Variants in POLD1 observed in about 807,000 individuals in gnomAD.
POLD1 encodes the protein DNA polymerase delta 1, catalytic subunit.
In POLD1, 79 loss-of-function variants were observed where a neutral mutation model predicts 129.7. The observed-to-expected ratio is 0.61, with a 90% CI of 0.51 to 0.73. The LOEUF is 0.73. Ranked by LOEUF, POLD1 falls within the 30% of genes least tolerant of loss-of-function variation. POLD1 has a pLI of 0.00. For synonymous variants in POLD1, 714 were observed against 683.3 expected (o/e 1.04, Z -0.70); for missense variants, 1,338 against 1,595.8 (o/e 0.84, Z 2.75).
intron 10 of POLD1, among the ~76,000 whole-genome samples, chr19:50,403,815 G>C (rs2038762389): frequency 6.6e-6 from 1 of 152,234 alleles, no homozygotes; most frequent in African/African-American, 2.4e-5. Context: ...CGTTACGGTG[G>C]AGTAAGAGAA....
chr19:50,397,966 G>A (rs934990413), intron 1 of POLD1, among the ~76,000 whole-genome samples: 3 of 152,134 alleles, frequency 2.0e-5, no homozygotes, highest in African/African-American at 7.2e-5. Context: ...TAGGCACTAC[G>A]TGCTAACATG....
intron 14 of POLD1, 80 bp from the exon 15 acceptor site, chr19:50,408,705 A>G (rs868014417): frequency 6.5e-7 from 1 of 1,549,112 alleles, no homozygotes; most frequent in Non-Finnish European, 8.7e-7. Flanking sequence ...TTTTTTTTAA[A>G]GGGTGAGGCC....
At chr19:50,413,077 C>T (rs914528210) in intron 17 of POLD1, among the ~76,000 whole-genome samples, 2 of 152,042 alleles carry the variant, frequency 1.3e-5, no homozygotes, top group Non-Finnish European at 2.9e-5. Flanking sequence ...CTGGCTATGT[C>T]GGTGGTCCTG....
chr19:50,411,623 G>A (rs368518762), intron 17 of POLD1, among the ~76,000 whole-genome samples: 2 of 152,258 alleles, frequency 1.3e-5, no homozygotes, highest in South Asian at 2.1e-4. Context: ...GGCGGATCAC[G>A]AGGTCAGGAG....
In POLD1 at chr19:50,416,426, C is replaced by G; in HGVS notation, c.2851C>G (p.Pro951Ala). The G allele has an allele frequency of 1.3e-6, 2 of 1,549,798 alleles. No homozygotes were observed. The highest frequency in any genetic ancestry group is 8.7e-7 in the Non-Finnish European group (1 of 1,147,358). The change falls in exon 23 of 27, where the codon CCC becomes GCC. Residue 951 changes from proline to alanine, a missense_variant. Physicochemically the swap from Pro to Ala is conservative, Grantham distance 27 (BLOSUM62 -1). This residue lies in a region of POLD1 where 286 missense variants were observed against 277.5 expected (regional missense o/e 1.03). Coordinates refer to ENST00000440232, the MANE Select transcript of POLD1 (RefSeq NM_002691.4). ...DPLFVLEHSL[P>A]IDTQYYLEQQ... ...GCTGTTCGTGCTGGAGCACAGCCTG[C>G]CCATTGACACGCAGTACTACCTGGA...
chr19:50,386,605 G>T (rs1375837184), intron 1 of POLD1, among the ~76,000 whole-genome samples: 1 of 152,244 alleles, frequency 6.6e-6, no homozygotes, highest in Non-Finnish European at 1.5e-5. Flanking sequence ...ACCCTGAAGG[G>T]CAGCTGGTCA....
At position 50,409,115 on chromosome 19, in the gene POLD1, A is replaced by G. The variant is rs200049500; in HGVS notation, c.1893-7A>G. 44 of 1,601,628 alleles carry G rather than the reference A, an allele frequency of 2.7e-5. No individual in the cohort carries two copies. The East Asian group carries it at 8.9e-4, about 32-fold the overall frequency. On this transcript the variant is annotated splice_region_variant and splice_polypyrimidine_tract_variant and intron_variant, in intron 15 of 26. Coordinates refer to ENST00000440232, the MANE Select transcript of POLD1 (RefSeq NM_002691.4). This position sits in a 1 kb window ranked among gnomAD's most constrained non-coding sequence, Gnocchi z 5.8. ...GCCGGCAGTCACCCCAACATCTTCC[A>G]ACCCAGCCTGACTGAGGATCAGTTC...
chr19:50,388,720 C>T (rs1307402795), intron 1 of POLD1, among the ~76,000 whole-genome samples: 1 of 151,920 alleles, frequency 6.6e-6, no homozygotes, highest in East Asian at 1.9e-4. Context: ...TATGCTTTAT[C>T]CAAGCACATG....
At position 50,402,110 on chromosome 19, in the gene POLD1, T is replaced by C. The variant is rs772804822; in HGVS notation, c.575T>C (p.Leu192Pro). 1 of 1,612,772 alleles carries C rather than the reference T, an allele frequency of 6.2e-7. No homozygotes were observed. The highest frequency in any genetic ancestry group is 1.1e-5 in the South Asian group (1 of 90,916). ...GGGCCGGCCGTGCTGGCTGTGGAAC[T>C]GTGCTCCCGAGAGAGTGAGTGCTCC... ...LTGPAVLAVE[L>P]CSRESMFGYH... is the part of the protein sequence containing the mutation. Residue 192 changes from leucine to proline, a missense_variant, in exon 5 of 27, where the codon CTG becomes CCG. Leu to Pro is a moderately conservative substitution (Grantham distance 98, BLOSUM62 -3). Coordinates refer to ENST00000440232, the MANE Select transcript of POLD1 (RefSeq NM_002691.4).
At position 50,403,485 on chromosome 19, in the gene POLD1, A is replaced by G. The variant is rs41544624; in HGVS notation, c.1138-8A>G. On this transcript the variant is annotated splice_region_variant and splice_polypyrimidine_tract_variant and intron_variant, in intron 9 of 26. Transcript: ENST00000440232. Reference sequence around the variant, plus strand: ...CACCAGGGTGACCCAATGTGCTCCCACCCCCAGGCCTGGTCCACCTTCATC... The same window carrying G: ...CACCAGGGTGACCCAATGTGCTCCCGCCCCCAGGCCTGGTCCACCTTCATC... The G allele has an allele frequency of 5.7e-4, 922 of 1,605,808 alleles. 1 individual carries two copies. Among genetic ancestry groups the G allele is most frequent in the Admixed American group, 1.7e-3 (103 of 59,924 alleles).
chr19:50,405,084 G>T (rs912769390), intron 10 of POLD1, among the ~76,000 whole-genome samples: 2 of 151,064 alleles, frequency 1.3e-5, no homozygotes, highest in East Asian at 2.0e-4. Flanking sequence ...TTTTGTTTTT[G>T]TTTTTTTTAG....
In POLD1 at chr19:50,413,649, T is replaced by G. The variant is rs2039169920; in HGVS notation, c.2251-93T>G. ...CCCACTCTCCTGTTGCATCCTTGGG[T>G]CCCGTTGGCATTAGCCACCTGCCAC... On this transcript the variant is annotated intron_variant, in intron 18 of 26. Transcript: ENST00000440232. 6 of 1,541,486 alleles carry G rather than the reference T, an allele frequency of 3.9e-6. No individual in the cohort carries two copies. The Admixed American group carries it at 1.1e-4, about 27-fold the overall frequency.
intron 1 of POLD1, among the ~76,000 whole-genome samples, chr19:50,384,595 C>T (rs970632127): frequency 8.1e-6 from 1 of 123,188 alleles, no homozygotes; most frequent in Admixed American, 8.8e-5. Context: ...AATTCCTCGG[C>T]GGGCAGGGGG....
intron 10 of POLD1, among the ~76,000 whole-genome samples, chr19:50,405,503 A>G (rs1406877693): frequency 6.6e-6 from 1 of 152,168 alleles, no homozygotes; most frequent in Non-Finnish European, 1.5e-5. Context: ...ATGAGGCGAG[A>G]GGATCGATGG....
chr19:50,415,808 C>T lies in POLD1; in HGVS notation c.2802C>T (p.Ala934=), dbSNP rs762628311. The T allele has an allele frequency of 4.9e-5, 76 of 1,541,136 alleles. No homozygotes were observed. The highest frequency in any genetic ancestry group is 6.2e-5 in the Non-Finnish European group (71 of 1,144,432). The change falls in exon 22 of 27, where the codon GCC becomes GCT. Residue 934 remains alanine (A), a synonymous_variant. Coordinates refer to ENST00000440232, the MANE Select transcript of POLD1 (RefSeq NM_002691.4). The part of the protein sequence containing the change: ...YVIISAAKGV[A]AYMKSEDPLF... ...TCATCAGTGCCGCCAAGGGTGTGGC[C>T]GCCTACATGAAGTCGGAGGTCAGGC...
Position 50,406,660 on chromosome 19 carries a change from A to T in POLD1, c.1494+143A>T. Reference sequence around the variant, plus strand: ...TGACCTGTGACCTTACCTGACGCCCACTTTTTCCTGACCTCTGACCCCAGA... The same window carrying T: ...TGACCTGTGACCTTACCTGACGCCCTCTTTTTCCTGACCTCTGACCCCAGA... On this transcript the variant is annotated intron_variant, in intron 12 of 26. Coordinates refer to ENST00000440232, the MANE Select transcript of POLD1 (RefSeq NM_002691.4). This position sits in a 1 kb window ranked among gnomAD's most constrained non-coding sequence, Gnocchi z 5.5. 1.5e-6 allele frequency: 1 copy of T among 676,054 alleles called. No homozygotes were observed. The highest frequency in any genetic ancestry group is 2.6e-6 in the Non-Finnish European group (1 of 383,626). The allele number at this position is 676,054 out of a possible 1,614,324, so 41.9% of individuals were successfully genotyped here. A position where few individuals can be genotyped will look rare whatever the true frequency, so the allele number is the denominator to read the frequency against.
At position 50,398,953 on chromosome 19, in the gene POLD1, C is replaced by G. The variant is rs754716741; in HGVS notation, c.102C>G (p.Phe34Leu). The G allele has an allele frequency of 5.7e-6, 9 of 1,585,960 alleles. No individual in the cohort carries two copies. Among genetic ancestry groups the G allele is most frequent in the Non-Finnish European group, 7.7e-6 (9 of 1,166,902 alleles). Residue 34 changes from phenylalanine to leucine, a missense_variant, in exon 2 of 27, where the codon TTC becomes TTG. Physicochemically the swap from Phe to Leu is conservative, Grantham distance 22. Transcript: ENST00000440232. Reference sequence around the variant, plus strand: ...ATGATGCACCTCGGCCATCCCAATTCGAGGAGGACCTGGCACTGATGGAGG... The same window carrying G: ...ATGATGCACCTCGGCCATCCCAATTGGAGGAGGACCTGGCACTGATGGAGG... ...DDDDAPRPSQ[F>L]EEDLALMEEM...
chr19:50,385,526 CTTTTTTTT>C (rs760846797), intron 1 of POLD1, among the ~76,000 whole-genome samples: 1 of 128,920 alleles, frequency 7.8e-6, no homozygotes, highest in Non-Finnish European at 1.6e-5. Flanking sequence ...ACTGTCTTCT[CTTTTTTTT>C]TTTTTTTTTT....
In POLD1 at chr19:50,406,977, C is replaced by T; in HGVS notation, c.1495-6C>T. 6.9e-7 allele frequency: 1 copy of T among 1,452,452 alleles called. No individual in the cohort carries two copies. The highest frequency in any genetic ancestry group is 9.3e-7 in the Non-Finnish European group (1 of 1,074,302). The allele number at this position is 1,452,452 out of a possible 1,614,324, so 90.0% of individuals were successfully genotyped here. A position where few individuals can be genotyped will look rare whatever the true frequency, so the allele number is the denominator to read the frequency against. ...GGTCCCTGACCCCATCCGTGCCCAT[C>T]CCCAGAATGGGAACGACCAGACCCG... On this transcript the variant is annotated splice_region_variant and splice_polypyrimidine_tract_variant and intron_variant, in intron 12 of 26. Coordinates refer to ENST00000440232, the MANE Select transcript of POLD1 (RefSeq NM_002691.4). The surrounding 1 kb of genome is among the most constrained non-coding windows in gnomAD (Gnocchi z 5.5).
Sources: allele counts gnomAD v4.1 joint callset (sites outside exome capture counted in the v4.1 genomes callset), GRCh38; gene constraint gnomAD v4.1.1; regional missense constraint gnomAD v4.1.1; non-coding constraint Gnocchi (gnomAD v3.1); transcripts MANE v1.5; gene names NCBI Gene and HGNC (gene_info 2026-07-23, HGNC 2026-07-21).